ABCC2: variants seen among roughly 807,000 people sequenced by gnomAD.
ABCC2 encodes the protein ATP binding cassette subfamily C member 2.
ABCC2 carries 157 observed loss-of-function variants against 173.4 expected under a neutral mutation model. The ratio of observed to expected loss-of-function variants is 0.91; its 90% CI spans 0.80 to 1.03. The LOEUF (loss-of-function observed/expected upper bound fraction) is 1.03. Among genes scored for constraint, ABCC2 ranks in the 50% least tolerant of loss-of-function variants. ABCC2 has a pLI of 0.00. For synonymous variants in ABCC2, 657 were observed against 693.5 expected (o/e 0.95, Z 0.83); for missense variants, 1,822 against 1,852.3 (o/e 0.98, Z 0.30).
In ABCC2 at chr10:99,800,465, G is replaced by T. The variant is rs1460076327; in HGVS notation, c.1111G>T (p.Ala371Ser). Residue 371 changes from alanine (A) to serine (S), a missense_variant, in exon 9 of 32, where the codon GCT becomes TCT. By Grantham distance (99) the Ala-to-Ser change is moderately conservative (BLOSUM62 1). Coordinates refer to ENST00000647814, the MANE Select transcript of ABCC2 (RefSeq NM_000392.5). ...YLCAILLFTA[A>S]LIQSFCLQCY... ...CTGTGCAATCCTCTTATTCACTGCG[G>T]CTCTCATTCAGTCTTTCTGCCTTCA... is the stretch of plus-strand genomic sequence containing the variant. 72 of 1,614,046 alleles carry T rather than the reference G, an allele frequency of 4.5e-5. No individual in the cohort carries two copies. Among genetic ancestry groups the T allele is most frequent in the Non-Finnish European group, 6.0e-5 (71 of 1,180,040 alleles).
At chr10:99,822,105 T>C (rs1240536668) in intron 19 of ABCC2, among the ~76,000 whole-genome samples, 1 of 152,196 alleles carries the variant, frequency 6.6e-6, no homozygotes, top group African/African-American at 2.4e-5. Context: ...CATTAACATA[T>C]ACTTCTATAG....
rs1023814952 is a variant in ABCC2 at position 99,782,950 on chromosome 10, T to C, written c.33+73T>C. Reference sequence around the variant, plus strand: ...CAAGTGGTAGTTAGTTAACTTAGGGTGGTCACCAACAAGAACCAGAAATGT... The same window carrying C: ...CAAGTGGTAGTTAGTTAACTTAGGGCGGTCACCAACAAGAACCAGAAATGT... On this transcript the variant is annotated intron_variant, in intron 1 of 31. Transcript: ENST00000647814. 9.9e-6 allele frequency: 15 copies of C among 1,512,542 alleles called. No individual in the cohort carries two copies. The African/African-American group carries it at 2.1e-4, about 21-fold the overall frequency. The allele number at this position is 1,512,542 out of a possible 1,614,324, so 93.7% of individuals were successfully genotyped here.
chr10:99,843,734 T>C, intron 26 of ABCC2, 65 bp from the exon 27 acceptor site: 3 of 1,339,750 alleles, frequency 2.2e-6, no homozygotes, highest in East Asian at 2.3e-5. Context: ...ATTGTCCTTG[T>C]GGTTTGAGTG....
At position 99,814,433 on chromosome 10, in the gene ABCC2, G is replaced by A. The variant is rs1421995271; in HGVS notation, c.2094+1289G>A. ...CGTGTATATATGTGTGCATATATGTGTATACACACATATGTGTGTATATAC... is the reference window on the plus strand; with the variant it reads ...CGTGTATATATGTGTGCATATATGTATATACACACATATGTGTGTATATAC... On this transcript the variant is annotated intron_variant, in intron 16 of 31. Coordinates refer to ENST00000647814, the MANE Select transcript of ABCC2 (RefSeq NM_000392.5). 4.7e-5 allele frequency among the ~76,000 whole-genome samples: 6 copies of A among 127,304 alleles called. 3 individuals are homozygous for A. The highest frequency in any genetic ancestry group is 4.9e-4 in the South Asian group (2 of 4,100). The allele number at this position is 127,304 out of a possible 152,430, so 83.5% of individuals were successfully genotyped here.
chr10:99,790,671 T>C (rs1457798215), intron 2 of ABCC2, among the ~76,000 whole-genome samples: 1 of 152,194 alleles, frequency 6.6e-6, no homozygotes, highest in African/African-American at 2.4e-5. Context: ...GCTACATTTT[T>C]TTCCCAAAAC....
chr10:99,814,445 A>G (rs571715177), intron 16 of ABCC2, among the ~76,000 whole-genome samples: 2 of 94,182 alleles, frequency 2.1e-5, no homozygotes, highest in African/African-American at 5.3e-5. Context: ...ATACACACAT[A>G]TGTGTGTATA....
chr10:99,800,521 T>C lies in ABCC2; in HGVS notation c.1167T>C (p.Gly389=). Residue 389 remains glycine (G), a synonymous_variant, in exon 9 of 32, where the codon GGT becomes GGC. Transcript: ENST00000647814. ...QCYFQLCFKL[G]VKVRTAIMAS... is the part of the protein sequence containing the mutation. The stretch of plus-strand genomic sequence containing the variant: ...ATTTCCAACTGTGCTTCAAGCTGGG[T>C]GTAAAAGTACGGACAGCTATCATGG... 1 of 1,614,166 alleles carries C rather than the reference T, an allele frequency of 6.2e-7. No homozygotes were observed. The highest frequency in any genetic ancestry group is 1.1e-5 in the South Asian group (1 of 91,090).
intron 9 of ABCC2, among the ~76,000 whole-genome samples, chr10:99,803,552 G>C (rs2038046853): frequency 6.6e-6 from 1 of 152,028 alleles, no homozygotes; most frequent in African/African-American, 2.4e-5. Context: ...TAATATAGTA[G>C]TGAAATAGAC....
chr10:99,793,717 G>A (rs1475756991), intron 4 of ABCC2, 32 bp downstream of exon 4: 2 of 1,613,748 alleles, frequency 1.2e-6, no homozygotes, highest in Non-Finnish European at 1.7e-6. Flanking sequence ...GACATGAGGA[G>A]GTACCATGGG....
In ABCC2 at chr10:99,842,123, G is replaced by A. The variant is rs17216338; in HGVS notation, c.3741+30G>A. Reference sequence around the variant, plus strand: ...GTTTGAAGGTTGGGAGTTTGGTTTCGTTAGTGTGCTTATTCTTAAATTAAG... The same window carrying A: ...GTTTGAAGGTTGGGAGTTTGGTTTCATTAGTGTGCTTATTCTTAAATTAAG... On this transcript the variant is annotated intron_variant, in intron 26 of 31. Coordinates refer to ENST00000647814, the MANE Select transcript of ABCC2 (RefSeq NM_000392.5). The A allele has an allele frequency of 1.3e-5, 21 of 1,613,788 alleles. No homozygotes were observed. In the East Asian group the frequency reaches 2.0e-4, roughly 15 times the overall value.
chr10:99,814,744 TG>T (rs1420662658), intron 16 of ABCC2, among the ~76,000 whole-genome samples: 1 of 141,194 alleles, frequency 7.1e-6, no homozygotes, highest in Non-Finnish European at 1.6e-5. Flanking sequence ...TATGTGTATA[TG>T]TATGTATATA....
At chr10:99,844,543 C>A (rs1270641036) in intron 28 of ABCC2, 78 bp downstream of exon 28, 10 of 1,575,130 alleles carry the variant, frequency 6.3e-6, no homozygotes, top group East Asian at 2.2e-5. Context: ...AGCAGCTGGG[C>A]CCTAAGCCTT....
chr10:99,814,458 C>CAT (rs1319016727), intron 16 of ABCC2, among the ~76,000 whole-genome samples: 2 of 59,458 alleles, frequency 3.4e-5, no homozygotes, highest in South Asian at 5.0e-4. Context: ...TGTGTATATA[C>CAT]ATACACACAT....
In ABCC2 at chr10:99,800,513, A is replaced by G; in HGVS notation, c.1159A>G (p.Lys387Glu). ...TCAGTGTTATTTCCAACTGTGCTTC[A>G]AGCTGGGTGTAAAAGTACGGACAGC... ...CLQCYFQLCF[K>E]LGVKVRTAIM... Residue 387 changes from lysine to glutamate, a missense_variant, in exon 9 of 32, where the codon AAG becomes GAG. Coordinates refer to ENST00000647814, the MANE Select transcript of ABCC2 (RefSeq NM_000392.5). 2 of 1,614,170 alleles carry G rather than the reference A, an allele frequency of 1.2e-6. No homozygotes were observed. The highest frequency in any genetic ancestry group is 1.7e-6 in the Non-Finnish European group (2 of 1,180,036).
chr10:99,831,501 C>T (rs1230245826), intron 21 of ABCC2, 110 bp from the exon 22 acceptor site: 1 of 1,072,422 alleles, frequency 9.3e-7, no homozygotes, highest in African/African-American at 1.6e-5. Context: ...TTGCTACCTG[C>T]TACCCATGCT....
At chr10:99,801,896 T>G (rs1438989714) in intron 9 of ABCC2, among the ~76,000 whole-genome samples, 1 of 152,228 alleles carries the variant, frequency 6.6e-6, no homozygotes, top group Non-Finnish European at 1.5e-5. Context: ...ATAATCCAAG[T>G]GTCTTTAAAT....
Position 99,851,530 on chromosome 10 carries a change from A to AT in ABCC2, c.4538dup (p.Glu1514ArgfsTer6). ...AATGGTCCTAGACAACGGGAAGATT[A>AT]TAGAGTGCGGCAGCCCTGAAGAACT... On this transcript the variant is annotated frameshift_variant, in exon 32 of 32. Transcript: ENST00000647814. LOFTEE classifies it low-confidence loss of function (END_TRUNC). The AT allele has an allele frequency of 1.9e-6, 3 of 1,614,158 alleles. No homozygotes were observed. The highest frequency in any genetic ancestry group is 2.5e-6 in the Non-Finnish European group (3 of 1,180,014).
chr10:99,799,124 G>A (rs1029284698), intron 7 of ABCC2, 83 bp from the exon 8 acceptor site: 18 of 1,512,716 alleles, frequency 1.2e-5, no homozygotes, highest in Admixed American at 1.0e-4. Context: ...AGGCCACGGG[G>A]CTCACAGGCT....
In ABCC2 at chr10:99,794,451, C is replaced by G. The variant is rs748674363; in HGVS notation, c.615C>G (p.Thr205=). Residue 205 remains threonine, a synonymous_variant, in exon 6 of 32, where the codon ACC becomes ACG. Transcript: ENST00000647814. ...TAGCTTCATTCCTGAGTAGCATTACCTACAGCTGGTATGACAGGTAGGAAA... is the reference window on the plus strand; with the variant it reads ...TAGCTTCATTCCTGAGTAGCATTACGTACAGCTGGTATGACAGGTAGGAAA... ...SSIASFLSSI[T]YSWYDSIILK... The G allele has an allele frequency of 6.2e-7, 1 of 1,613,820 alleles. No individual in the cohort carries two copies. Among genetic ancestry groups the G allele is most frequent in the Admixed American group, 1.7e-5 (1 of 60,014 alleles).
Sources: allele counts gnomAD v4.1 joint callset (sites outside exome capture counted in the v4.1 genomes callset), GRCh38; gene constraint gnomAD v4.1.1; transcripts MANE v1.5; gene names NCBI Gene and HGNC (gene_info 2026-07-23, HGNC 2026-07-21).